The following ZNF148 variants were observed in gnomAD, a reference collection of about 807,000 sequenced individuals.
The protein encoded by ZNF148 is Beta-Enolase Repressor Factor-1.
A neutral mutation model predicts 67.7 loss-of-function variants in ZNF148; 7 were observed. That is an observed-to-expected ratio of 0.10 (90% CI 0.06 to 0.19). The LOEUF (loss-of-function observed/expected upper bound fraction) is 0.19, where lower values mean the gene tolerates loss of function less well. Among genes scored for constraint, ZNF148 ranks in the 10% least tolerant of loss-of-function variants. The pLI, the probability that ZNF148 is intolerant of heterozygous loss-of-function variation, is 1.00. For missense variants in ZNF148, 583 were observed against 947.1 expected (o/e 0.62, Z 5.05); for synonymous variants, 333 against 330.7 (o/e 1.01, Z -0.08).
chr3:125,317,495 C>T (rs1940557990), intron 3 of ZNF148, among the ~76,000 whole-genome samples: 1 of 151,796 alleles, frequency 6.6e-6, no homozygotes, highest in Non-Finnish European at 1.5e-5. Flanking sequence ...CATCCATAGA[C>T]AGGTGACTTG....
intron 4 of ZNF148, among the ~76,000 whole-genome samples, chr3:125,293,798 A>G (rs1276844810): frequency 6.6e-6 from 1 of 152,230 alleles, no homozygotes. Context: ...GGAAAAGACA[A>G]AAATCACAAT....
At chr3:125,237,440 T>A (rs749877666) in intron 7 of ZNF148, among the ~76,000 whole-genome samples, 3 of 151,852 alleles carry the variant, frequency 2.0e-5, no homozygotes, top group Non-Finnish European at 2.9e-5. Context: ...AATTTAGCCA[T>A]GTGTGATGGT....
intron 5 of ZNF148, 98 bp downstream of exon 5, chr3:125,288,005 C>A (rs1938794599): frequency 6.4e-7 from 1 of 1,554,870 alleles, no homozygotes; most frequent in East Asian, 2.3e-5. Context: ...CACAAGACTT[C>A]TACATCTGCC....
At chr3:125,259,772 T>G (rs187602940) in intron 7 of ZNF148, among the ~76,000 whole-genome samples, 27 of 152,292 alleles carry the variant, frequency 1.8e-4, no homozygotes, top group Non-Finnish European at 3.4e-4. Context: ...AGTAGTACTT[T>G]TAATTTCCTT....
chr3:125,249,567 C>T (rs781007646), intron 7 of ZNF148, among the ~76,000 whole-genome samples: 8 of 151,662 alleles, frequency 5.3e-5, no homozygotes, highest in Middle Eastern at 3.4e-3. Context: ...ACACTGCTGC[C>T]GAGATTGTAA....
intron 1 of ZNF148, among the ~76,000 whole-genome samples, chr3:125,349,683 A>C (rs1942067598): frequency 6.6e-6 from 1 of 152,202 alleles, no homozygotes. Flanking sequence ...TTTCTCAAAA[A>C]ACTTAAAACA....
intron 7 of ZNF148, among the ~76,000 whole-genome samples, chr3:125,272,720 T>C (rs1220529269): frequency 6.6e-6 from 1 of 152,192 alleles, no homozygotes; most frequent in Non-Finnish European, 1.5e-5. Flanking sequence ...TATTTTGATA[T>C]ATAGTGTTAA....
Position 125,230,921 on chromosome 3 carries a change from A to T in ZNF148, c.*1420T>A, listed in dbSNP as rs918371824. 1.1e-4 allele frequency: 17 copies of T among 152,420 alleles called. No homozygotes were observed. Among genetic ancestry groups the T allele is most frequent in the African/African-American group, 3.6e-4 (15 of 41,418 alleles). The allele number at this position is 152,420 out of a possible 1,614,324, so 9.4% of individuals were successfully genotyped here. A position where few individuals can be genotyped will look rare whatever the true frequency, so the allele number is the denominator to read the frequency against. On this transcript the variant is annotated 3_prime_UTR_variant, in exon 9 of 9. Transcript: ENST00000360647. ...TAACTCAAACCATCATTCTTCAGAA[A>T]AGTGTGTGTGTGTATATATACATAA...
Position 125,265,018 on chromosome 3 carries a change from C to CA in ZNF148, c.667+12707dup, listed in dbSNP as rs144857156. ...TCTCAGTTCAAAAGAGTAATGATTT[C>CA]ATGTAAACTTCAAGTTTATACACAA... On this transcript the variant is annotated intron_variant, in intron 7 of 8. Coordinates refer to ENST00000360647, the MANE Select transcript of ZNF148 (RefSeq NM_021964.3). Among the ~76,000 whole-genome samples, 461 of 152,270 alleles carry CA rather than the reference C, an allele frequency of 3.0e-3. 23 individuals carry two copies. In the East Asian group the frequency reaches 0.07, roughly 23 times the overall value.
intron 7 of ZNF148, among the ~76,000 whole-genome samples, chr3:125,259,915 G>A (rs1426705210): frequency 6.6e-6 from 1 of 152,162 alleles, no homozygotes; most frequent in African/African-American, 2.4e-5. Context: ...AAAGTGAGAG[G>A]TGTGCAAATT....
intron 7 of ZNF148, among the ~76,000 whole-genome samples, chr3:125,275,699 T>C (rs1365916889): frequency 6.6e-6 from 1 of 152,230 alleles, no homozygotes; most frequent in Non-Finnish European, 1.5e-5. Flanking sequence ...CCCATTATAC[T>C]CTGCTTAAAT....
rs933879809 is a variant in ZNF148, at chr3:125,261,039, T to C, written c.667+16687A>G. On this transcript the variant is annotated intron_variant, in intron 7 of 8. Transcript: ENST00000360647. ...GGGTGGGGGAAGTGTTGGAGGTTTA[T>C]GGAAAGGAGAATGTATGAAACACCT... is the stretch of plus-strand genomic sequence containing the variant. Among the ~76,000 whole-genome samples, 12 of 152,246 alleles carry C rather than the reference T, an allele frequency of 7.9e-5. No homozygotes were observed. In the South Asian group the frequency reaches 2.3e-3, roughly 29 times the overall value.
At chr3:125,264,423 G>T (rs1474551244) in intron 7 of ZNF148, among the ~76,000 whole-genome samples, 1 of 152,208 alleles carries the variant, frequency 6.6e-6, no homozygotes. Flanking sequence ...AGTTGGAGAA[G>T]TGTTTGTTGG....
chr3:125,278,030 T>C (rs1266107307), intron 6 of ZNF148, among the ~76,000 whole-genome samples: 1 of 152,130 alleles, frequency 6.6e-6, no homozygotes, highest in Non-Finnish European at 1.5e-5. Context: ...AAGATTAAAT[T>C]TGATCTATAT....
intron 2 of ZNF148, among the ~76,000 whole-genome samples, chr3:125,326,659 C>G (rs1941030387): frequency 6.9e-6 from 1 of 145,714 alleles, no homozygotes; most frequent in Non-Finnish European, 1.5e-5. Flanking sequence ...TGAAATGACA[C>G]TATATATATG....
intron 5 of ZNF148, among the ~76,000 whole-genome samples, chr3:125,284,390 G>T (rs1938547848): frequency 6.6e-6 from 1 of 152,152 alleles, no homozygotes; most frequent in African/African-American, 2.4e-5. Flanking sequence ...GGAAAGTGAT[G>T]TTAAGTGGCC....
In ZNF148 at chr3:125,261,825, G is replaced by GCTTA. The variant is rs35313913; in HGVS notation, c.667+15900_667+15901insTAAG. On this transcript the variant is annotated intron_variant, in intron 7 of 8. Coordinates refer to ENST00000360647, the MANE Select transcript of ZNF148 (RefSeq NM_021964.3). Reference sequence around the variant, plus strand: ...AAAATAACCTGACAGGGGTTGACAAGTTTTTTTTTTTTTTTTTTTAACACA... The same window carrying GCTTA: ...AAAATAACCTGACAGGGGTTGACAAGCTTATTTTTTTTTTTTTTTTTTTAACACA... Among the ~76,000 whole-genome samples, 77 of 138,976 alleles carry GCTTA rather than the reference G, an allele frequency of 5.5e-4. 1 individual carries two copies. Among genetic ancestry groups the GCTTA allele is most frequent in the African/African-American group, 1.9e-3 (74 of 38,058 alleles). The allele number at this position is 138,976 out of a possible 152,430, so 91.2% of individuals were successfully genotyped here.
intron 7 of ZNF148, among the ~76,000 whole-genome samples, chr3:125,262,427 TGA>T (rs1162219555): frequency 1.3e-5 from 2 of 152,206 alleles, no homozygotes; most frequent in Non-Finnish European, 2.9e-5. Flanking sequence ...CCTATTTGTG[TGA>T]GAGTGGAGAT....
In ZNF148 at chr3:125,341,558, C is replaced by T. The variant is rs781493233; in HGVS notation, c.-233-10320G>A. 9.3e-4 allele frequency among the ~76,000 whole-genome samples: 140 copies of T among 151,312 alleles called. 2 individuals carry two copies. The highest frequency in any genetic ancestry group is 9.7e-4 in the Non-Finnish European group (66 of 67,872). ...ATTGCTTGAGCCTGGGAGGTCAGAGCGGTAGTGAGCTGTGATCACACCACT... is the reference window on the plus strand; with the variant it reads ...ATTGCTTGAGCCTGGGAGGTCAGAGTGGTAGTGAGCTGTGATCACACCACT... On this transcript the variant is annotated intron_variant, in intron 1 of 8. Transcript: ENST00000360647.
Sources: gnomAD v4.1 joint callset for allele counts (sites outside exome capture counted in the v4.1 genomes callset) on GRCh38, gnomAD v4.1.1 for gene constraint, MANE v1.5 for transcripts, NCBI Gene and HGNC (gene_info 2026-07-23, HGNC 2026-07-21) for gene names.